The following KARS1 variants were observed in gnomAD, a reference collection of about 807,000 sequenced individuals.
KARS1 encodes lysine--tRNA ligase.
In KARS1, 50 loss-of-function variants were observed where a neutral mutation model predicts 63.9. That is an observed-to-expected ratio of 0.78 (90% confidence interval 0.62 to 0.99). KARS1 has a LOEUF of 0.99. Ranked by LOEUF, KARS1 falls within the 50% of genes least tolerant of loss-of-function variation. KARS1 has a pLI of 0.00. For missense variants in KARS1, 816 were observed against 754.5 expected, an observed-to-expected ratio of 1.08 and a Z score of -0.95; for synonymous variants, 320 against 264.6, an observed-to-expected ratio of 1.21 and a Z score of -2.03.
rs2082209961 is a variant in KARS1 at position 75,640,341 on chromosome 16, G to A, written c.231C>T (p.Tyr77=). 6.5e-7 allele frequency: 1 copy of A among 1,533,820 alleles called. No individual in the cohort carries two copies. Among genetic ancestry groups the A allele is most frequent in the Non-Finnish European group, 8.9e-7 (1 of 1,120,580 alleles). Residue 77 remains tyrosine, a synonymous_variant, in exon 3 of 14, where the codon TAC becomes TAT. Coordinates refer to ENST00000302445, the MANE Select transcript of KARS1 (RefSeq NM_005548.3). ...EEESVDPNQY[Y]KIRSQAIHQL... Reference sequence around the variant, plus strand: ...GATGAATTGCTTGACTGCGGATTTTGTAGTATTGCTGTTAAAAAAAAAAAA... The same window carrying A: ...GATGAATTGCTTGACTGCGGATTTTATAGTATTGCTGTTAAAAAAAAAAAA...
Position 75,628,439 on chromosome 16 carries a change from A to T in KARS1, c.1695+130T>A, listed in dbSNP as rs1434439130. The T allele has an allele frequency of 7.5e-6, 8 of 1,070,436 alleles. No individual in the cohort carries two copies. The South Asian group carries it at 1.1e-4, about 14-fold the overall frequency. The allele number at this position is 1,070,436 out of a possible 1,614,324, so 66.3% of individuals were successfully genotyped here. A position where few individuals can be genotyped will look rare whatever the true frequency, so the allele number is the denominator to read the frequency against. ...TCTGGCCCTCCTGTGAGTGGCATGGAACTCCTCTGCCTGCTCCTCTTCCCA... is the reference window on the plus strand; with the variant it reads ...TCTGGCCCTCCTGTGAGTGGCATGGTACTCCTCTGCCTGCTCCTCTTCCCA... On this transcript the variant is annotated intron_variant, in intron 13 of 13. Transcript: ENST00000302445.
chr16:75,628,926 C>T, intron 12 of KARS1: 1 of 603,108 alleles, frequency 1.7e-6, no homozygotes, highest in Non-Finnish European at 2.9e-6. Context: ...GACCTCAGAA[C>T]ACATACAAAT....
At chr16:75,630,557 T>TGATC in intron 10 of KARS1, 49 bp from the exon 11 acceptor site, 1 of 1,188,972 alleles carries the variant, frequency 8.4e-7, no homozygotes, top group Non-Finnish European at 1.3e-6. Context: ...GAATAGTATT[T>TGATC]GATCGTCCCA....
chr16:75,645,334 G>A (rs565401501), intron 1 of KARS1, among the ~76,000 whole-genome samples: 79 of 152,324 alleles, frequency 5.2e-4, no homozygotes, highest in African/African-American at 1.7e-3. Flanking sequence ...GTTCAGATCC[G>A]TGCTCCAGTG....
In KARS1 at chr16:75,631,488, T is replaced by C. The variant is rs754707116; in HGVS notation, c.1180A>G (p.Ile394Val). ...DVDFTPPFRR[I>V]NMVEELEKAL... ...TTCTCAAGCTCTTCTACCATGTTGA[T>C]TCGCCGGAAGGGTGGGGTGAAGTCA... Residue 394 changes from isoleucine to valine, a missense_variant, in exon 9 of 14, where the codon ATC (isoleucine) becomes GTC (valine). Ile to Val is a conservative substitution (Grantham distance 29). Transcript: ENST00000302445. The C allele has an allele frequency of 1.9e-5, 30 of 1,614,088 alleles. No individual in the cohort carries two copies. Among genetic ancestry groups the C allele is most frequent in the Non-Finnish European group, 2.4e-5 (28 of 1,180,038 alleles).
intron 7 of KARS1, among the ~76,000 whole-genome samples, chr16:75,632,568 T>C (rs1486726320): frequency 6.6e-6 from 1 of 152,204 alleles, no homozygotes; most frequent in African/African-American, 2.4e-5. Context: ...CAGTCACACG[T>C]AGCTTTTAGA....
chr16:75,637,358 C>G (rs1283428285), intron 3 of KARS1, among the ~76,000 whole-genome samples: 2 of 151,856 alleles, frequency 1.3e-5, no homozygotes, highest in Non-Finnish European at 2.9e-5. Context: ...AACTGGAAAG[C>G]CCCCAAATGG....
chr16:75,637,900 CAAA>C (rs11386229), intron 3 of KARS1, among the ~76,000 whole-genome samples: 2 of 93,768 alleles, frequency 2.1e-5, no homozygotes, highest in Non-Finnish European at 2.3e-5. Context: ...AAAAAGAGAC[CAAA>C]AAAAAAAAAA....
intron 11 of KARS1, 101 bp downstream of exon 11, chr16:75,630,322 A>C (rs2082097790): frequency 1.3e-6 from 1 of 773,342 alleles, no homozygotes; most frequent in South Asian, 1.4e-5. Flanking sequence ...AACACCACCC[A>C]GCAGAAAGAC....
chr16:75,640,394 G>A (rs758701435), intron 2 of KARS1, 45 bp from the exon 3 acceptor site: 3 of 1,595,818 alleles, frequency 1.9e-6, no homozygotes, highest in African/African-American at 2.7e-5. Flanking sequence ...GTTGAACCTG[G>A]TCAGACCAGT....
In KARS1 at chr16:75,629,307, C is replaced by G. The variant is rs934105591; in HGVS notation, c.1551+108G>C. On this transcript the variant is annotated intron_variant, in intron 12 of 13. Coordinates refer to ENST00000302445, the MANE Select transcript of KARS1 (RefSeq NM_005548.3). Reference sequence around the variant, plus strand: ...TCCTCCAGCAAGCCTATGGCTTTATCTTTCACTTCTGAAGTCACCAAGAAC... The same window carrying G: ...TCCTCCAGCAAGCCTATGGCTTTATGTTTCACTTCTGAAGTCACCAAGAAC... 20 of 1,413,670 alleles carry G rather than the reference C, an allele frequency of 1.4e-5. No homozygotes were observed. In the African/African-American group the frequency reaches 1.8e-4, roughly 13 times the overall value. 87.6% of individuals were successfully genotyped at this position (1,413,670 alleles called of 1,614,324 possible).
At chr16:75,644,144 G>T (rs1406369786) in intron 1 of KARS1, 10 of 661,010 alleles carry the variant, frequency 1.5e-5, no homozygotes, top group Non-Finnish European at 2.3e-5. Flanking sequence ...AATGAGAAAG[G>T]ACTATTGGTT....
chr16:75,628,677 T>C lies in KARS1; in HGVS notation c.1587A>G (p.Ile529Met), dbSNP rs2082077823. Residue 529 changes from isoleucine to methionine, a missense_variant, in exon 13 of 14, where the codon ATA becomes ATG. Transcript: ENST00000302445. ...KAAGDDEAMF[I>M]DENFCTALEY... ...CCAGGGCAGTACAGAAGTTTTCATC[T>C]ATGAACATGGCCTCATCATCACCTG... The C allele has an allele frequency of 5.0e-6, 8 of 1,614,212 alleles. No homozygotes were observed. Among genetic ancestry groups the C allele is most frequent in the Non-Finnish European group, 6.8e-6 (8 of 1,180,026 alleles).
At chr16:75,644,899 CA>C (rs1353974577) in intron 1 of KARS1, among the ~76,000 whole-genome samples, 1 of 152,162 alleles carries the variant, frequency 6.6e-6, no homozygotes, top group African/African-American at 2.4e-5. Context: ...AAGATAAATG[CA>C]AGCCACACAA....
rs552763202 is a variant in KARS1, at chr16:75,647,459, C to A, written c.62+119G>T. The A allele has an allele frequency of 1.1e-4, 104 of 927,956 alleles. No individual in the cohort carries two copies. In the African/African-American group the frequency reaches 1.5e-3, roughly 14 times the overall value. The allele number at this position is 927,956 out of a possible 1,614,324, so 57.5% of individuals were successfully genotyped here. ...CGCAGCCACCACGTCTCAGCATGTG[C>A]GTACCCACGAGAGCCGGCAAGAAGG... On this transcript the variant is annotated intron_variant, in intron 1 of 13. Coordinates refer to ENST00000302445, the MANE Select transcript of KARS1 (RefSeq NM_005548.3).
chr16:75,637,735 C>T lies in KARS1; in HGVS notation c.389-1188G>A, dbSNP rs376686809. ...CGGAGGTTGCAGTGAGCTGAGATCA[C>T]GGCATTGCACTCCAGCCTGGGCAAT... is the stretch of plus-strand genomic sequence containing the variant. On this transcript the variant is annotated intron_variant, in intron 3 of 13. Transcript: ENST00000302445. 1.8e-4 allele frequency among the ~76,000 whole-genome samples: 26 copies of T among 146,958 alleles called. No homozygotes were observed. The East Asian group carries it at 3.8e-3, about 21-fold the overall frequency.
rs1002312849 is a variant in KARS1, at chr16:75,647,525, C to G, written c.62+53G>C. On this transcript the variant is annotated intron_variant, in intron 1 of 13. Coordinates refer to ENST00000302445, the MANE Select transcript of KARS1 (RefSeq NM_005548.3). ...CTTGGTGGGAACCTCGCGGCGCTTCCCAGCCCAGACTCTCCTACCGCAAAG... is the reference window on the plus strand; with the variant it reads ...CTTGGTGGGAACCTCGCGGCGCTTCGCAGCCCAGACTCTCCTACCGCAAAG... 47 of 1,560,068 alleles carry G rather than the reference C, an allele frequency of 3.0e-5. No individual in the cohort carries two copies. The East Asian group carries it at 7.6e-4, about 25-fold the overall frequency.
intron 1 of KARS1, 172 bp downstream of exon 1, chr16:75,647,406 G>A (rs1404003233): frequency 2.6e-5 from 18 of 698,972 alleles, no homozygotes; most frequent in Non-Finnish European, 4.6e-5. Flanking sequence ...GCGTGCCCGG[G>A]GTATCCCGGG....
Position 75,631,529 on chromosome 16 carries a change from C to A in KARS1, c.1139G>T (p.Gly380Val). 6.2e-7 allele frequency: 1 copy of A among 1,614,148 alleles called. No homozygotes were observed. Residue 380 changes from glycine to valine, a missense_variant, in exon 9 of 14, where the codon GGC (glycine) becomes GTC (valine). Gly to Val is a moderately radical substitution (Grantham distance 109). Coordinates refer to ENST00000302445, the MANE Select transcript of KARS1 (RefSeq NM_005548.3). ...GGTGAAGTCAACATCGTAGGCTTGG[C>A]CCTCTGGGCCATCTGGGTGGTAGGT... ...KVTYHPDGPE[G>V]QAYDVDFTPP...
Sources: allele counts gnomAD v4.1 joint callset (sites outside exome capture counted in the v4.1 genomes callset), GRCh38; gene constraint gnomAD v4.1.1; transcripts MANE v1.5; gene names NCBI Gene and HGNC (gene_info 2026-07-23, HGNC 2026-07-21).